The following DYNC1I1 variants were observed in gnomAD, a reference collection of about 807,000 sequenced individuals.
DYNC1I1 encodes dynein cytoplasmic 1 intermediate chain 1, also known as cytoplasmic dynein 1 intermediate chain 1.
A neutral mutation model predicts 86.6 loss-of-function variants in DYNC1I1; 43 were observed. The observed-to-expected ratio is 0.50, with a 90% CI of 0.39 to 0.64. The LOEUF (loss-of-function observed/expected upper bound fraction) is 0.64. DYNC1I1 is among the 30% of genes least tolerant of loss of function. DYNC1I1 has a pLI of 0.00. For synonymous variants in DYNC1I1, 262 were observed against 283.7 expected (o/e 0.92, Z 0.77); for missense variants, 604 against 788.8 (o/e 0.77, Z 2.81).
intron 4 of DYNC1I1, among the ~76,000 whole-genome samples, chr7:95,818,313 T>C (rs1794993599): frequency 6.6e-6 from 1 of 151,352 alleles, no homozygotes; most frequent in African/African-American, 2.4e-5. Flanking sequence ...TTTAAATCTT[T>C]TTTTTTTTTA....
chr7:96,084,217 G>T (rs568908819), intron 16 of DYNC1I1, among the ~76,000 whole-genome samples: 2 of 151,314 alleles, frequency 1.3e-5, no homozygotes, highest in South Asian at 4.2e-4. Flanking sequence ...TTAAAAATTT[G>T]TCAGGAAGGA....
At chr7:95,843,573 A>G (rs1179533010) in intron 5 of DYNC1I1, among the ~76,000 whole-genome samples, 1 of 152,104 alleles carries the variant, frequency 6.6e-6, no homozygotes, top group African/African-American at 2.4e-5. Context: ...TTCTGGGTAA[A>G]TTTGGTCTCT....
intron 11 of DYNC1I1, among the ~76,000 whole-genome samples, chr7:96,029,668 C>T (rs1794761708): frequency 6.6e-6 from 1 of 152,096 alleles, no homozygotes; most frequent in Non-Finnish European, 1.5e-5. Flanking sequence ...CTAATGCCAG[C>T]ATTTTGGGAG....
chr7:96,061,345 G>A (rs1195216022), intron 14 of DYNC1I1, among the ~76,000 whole-genome samples: 1 of 152,164 alleles, frequency 6.6e-6, no homozygotes, highest in Non-Finnish European at 1.5e-5. Context: ...TCTCAATGTA[G>A]CTATTTGTAC....
At chr7:95,813,133 G>C in intron 3 of DYNC1I1, 114 bp from the exon 4 acceptor site, 1 of 1,558,082 alleles carries the variant, frequency 6.4e-7, no homozygotes, top group Non-Finnish European at 8.7e-7. Flanking sequence ...ATGTCTCCTG[G>C]CCATACAACC....
At chr7:95,932,032 T>C (rs1439245157) in intron 6 of DYNC1I1, among the ~76,000 whole-genome samples, 1 of 152,222 alleles carries the variant, frequency 6.6e-6, no homozygotes, top group Non-Finnish European at 1.5e-5. Flanking sequence ...ATAAATGGTA[T>C]TATATAGTAC....
rs1424845054 is a variant in DYNC1I1 at position 95,814,559 on chromosome 7, A to G, written c.314+1222A>G. On this transcript the variant is annotated intron_variant, in intron 4 of 16. Coordinates refer to ENST00000447467, the MANE Select transcript of DYNC1I1 (RefSeq NM_001135556.2). ...TTTCACCTAAGGCATTAGCATAAGC[A>G]TTTTCTTCTGAAAGTGTACTGTTTC... Among the ~76,000 whole-genome samples, 7 of 152,122 alleles carry G rather than the reference A, an allele frequency of 4.6e-5. No homozygotes were observed. In the South Asian group the frequency reaches 1.5e-3, roughly 32 times the overall value.
At chr7:95,971,918 C>A (rs974049795) in intron 6 of DYNC1I1, among the ~76,000 whole-genome samples, 14 of 152,080 alleles carry the variant, frequency 9.2e-5, no homozygotes, top group Non-Finnish European at 1.5e-5. Flanking sequence ...CCAGCCTTAG[C>A]GGTCTTCCTG....
At chr7:95,960,075 G>A (rs76719916) in intron 6 of DYNC1I1, among the ~76,000 whole-genome samples, 2,034 of 152,214 alleles carry the variant, frequency 0.013, 42 homozygotes, top group South Asian at 0.096. Context: ...TGGCCTTTAT[G>A]TTTTTTGTGA....
chr7:95,907,553 T>C (rs2116329052), intron 6 of DYNC1I1, among the ~76,000 whole-genome samples: 1 of 152,222 alleles, frequency 6.6e-6, no homozygotes, highest in East Asian at 1.9e-4. Context: ...TTCCCTACTC[T>C]TCCAGTGACA....
chr7:95,951,622 T>C (rs73393071), intron 6 of DYNC1I1, among the ~76,000 whole-genome samples: 3,660 of 152,350 alleles, frequency 0.024, 173 homozygotes, highest in African/African-American at 0.083. Flanking sequence ...CTGAAACTTA[T>C]GCTTTAGCTG....
At chr7:95,893,511 A>G (rs555152756) in intron 6 of DYNC1I1, among the ~76,000 whole-genome samples, 2 of 152,340 alleles carry the variant, frequency 1.3e-5, no homozygotes, top group African/African-American at 2.4e-5. Flanking sequence ...ACCACTCCCA[A>G]TAACTTCCTT....
At chr7:95,931,317 CTT>C (rs923744424) in intron 6 of DYNC1I1, among the ~76,000 whole-genome samples, 1 of 152,030 alleles carries the variant, frequency 6.6e-6, no homozygotes, top group African/African-American at 2.4e-5. Flanking sequence ...ACCCAGCTAA[CTT>C]TTGCATTTTT....
At chr7:95,996,796 A>G (rs1440747063) in intron 10 of DYNC1I1, among the ~76,000 whole-genome samples, 2 of 152,166 alleles carry the variant, frequency 1.3e-5, no homozygotes, top group African/African-American at 2.4e-5. Context: ...TAATGCTCCT[A>G]TCCTGTGATT....
Position 95,987,194 on chromosome 7 carries a change from G to A in DYNC1I1, c.843+39G>A, listed in dbSNP as rs1182537262. ...CTGGGCTGGGACAAACTGGGCTTGT[G>A]TTCTCGTGGCATTTGTATAAAAAAA... On this transcript the variant is annotated intron_variant, in intron 9 of 16. Coordinates refer to ENST00000447467, the MANE Select transcript of DYNC1I1 (RefSeq NM_001135556.2). 3 of 1,528,674 alleles carry A rather than the reference G, an allele frequency of 2.0e-6. No homozygotes were observed. The Admixed American group carries it at 5.2e-5, about 26-fold the overall frequency. 94.7% of individuals were successfully genotyped at this position (1,528,674 alleles called of 1,614,324 possible).
At chr7:95,868,306 C>T (rs992297913) in intron 5 of DYNC1I1, among the ~76,000 whole-genome samples, 1 of 152,198 alleles carries the variant, frequency 6.6e-6, no homozygotes, top group Non-Finnish European at 1.5e-5. Flanking sequence ...GATCTCATCT[C>T]AATTGTGTTA....
chr7:95,891,047 T>G (rs1562935153), intron 6 of DYNC1I1, among the ~76,000 whole-genome samples: 1 of 151,962 alleles, frequency 6.6e-6, no homozygotes, highest in Non-Finnish European at 1.5e-5. Context: ...TAAAATGAGG[T>G]CATTAGAGTG....
intron 1 of DYNC1I1, among the ~76,000 whole-genome samples, chr7:95,792,532 T>G (rs1794331455): frequency 6.6e-6 from 1 of 152,202 alleles, no homozygotes; most frequent in South Asian, 2.1e-4. Context: ...ATACTTGTTT[T>G]GGCCAGTCAA....
At chr7:95,949,561 T>C (rs886256998) in intron 6 of DYNC1I1, among the ~76,000 whole-genome samples, 16 of 152,214 alleles carry the variant, frequency 1.1e-4, no homozygotes, top group African/African-American at 3.9e-4. Context: ...TTCTTGAAAT[T>C]GTTGGAAAAA....
Sources: allele counts gnomAD v4.1 joint callset (sites outside exome capture counted in the v4.1 genomes callset), GRCh38; gene constraint gnomAD v4.1.1; transcripts MANE v1.5; gene names NCBI Gene and HGNC (gene_info 2026-07-23, HGNC 2026-07-21).